TET1: variants seen among roughly 807,000 people sequenced by gnomAD.
TET1 encodes the protein tet methylcytosine dioxygenase 1, also known as methylcytosine dioxygenase TET1.
TET1 carries 13 observed loss-of-function variants against 148.7 expected under a neutral mutation model. That is an observed-to-expected ratio of 0.09 (90% CI 0.06 to 0.14). The LOEUF is 0.14. Ranked by LOEUF, TET1 falls within the 10% of genes least tolerant of loss-of-function variation. The pLI, the probability that TET1 is intolerant of heterozygous loss-of-function variation, is 1.00. For missense variants in TET1, 2,182 were observed against 2,553.8 expected, an observed-to-expected ratio of 0.85 and a Z score of 3.14; for synonymous variants, 907 against 937.2, an observed-to-expected ratio of 0.97 and a Z score of 0.59.
chr10:68,624,650 T>TC, intron 3 of TET1, among the ~76,000 whole-genome samples: 1 of 57,074 alleles, frequency 1.8e-5, no homozygotes, highest in Admixed American at 2.0e-4. Flanking sequence ...CTTTCTTTCT[T>TC]TCTTTCTTTC....
chr10:68,686,260 C>G (rs1170889134), intron 10 of TET1, 96 bp from the exon 11 acceptor site: 1 of 1,053,036 alleles, frequency 9.5e-7, no homozygotes, highest in Non-Finnish European at 1.4e-6. Flanking sequence ...GAATACAAAT[C>G]TCTTTCCCAA....
Position 68,645,770 on chromosome 10 carries a change from A to G in TET1, c.3041A>G (p.Lys1014Arg). 6.2e-7 allele frequency: 1 copy of G among 1,614,202 alleles called. No individual in the cohort carries two copies. The highest frequency in any genetic ancestry group is 8.5e-7 in the Non-Finnish European group (1 of 1,180,020). The change falls in exon 4 of 12, where the codon AAG (lysine) becomes AGG (arginine). Residue 1014 changes from lysine (K) to arginine (R), a missense_variant. Coordinates refer to ENST00000373644, the MANE Select transcript of TET1 (RefSeq NM_030625.3). ...TTTATACCAAAATCAAATTCATCCA[A>G]GATTGACACCAATAAAAGTATTGCT... ...SLFIPKSNSS[K>R]IDTNKSIAQG...
intron 2 of TET1, among the ~76,000 whole-genome samples, chr10:68,596,121 C>T (rs1356065479): frequency 6.7e-6 from 1 of 148,956 alleles, no homozygotes; most frequent in African/African-American, 2.5e-5. Context: ...TCACTACAAA[C>T]TCCGCCTCCT....
chr10:68,660,225 T>G (rs2055085454), intron 6 of TET1, among the ~76,000 whole-genome samples: 2 of 152,210 alleles, frequency 1.3e-5, no homozygotes, highest in Admixed American at 6.5e-5. Context: ...GACTTATTTT[T>G]TGCTTTAAAA....
At chr10:68,581,818 C>T (rs1246055016) in intron 2 of TET1, among the ~76,000 whole-genome samples, 1 of 148,374 alleles carries the variant, frequency 6.7e-6, no homozygotes, top group African/African-American at 2.5e-5. Flanking sequence ...GCCTGGGCGA[C>T]AGAGTGAGAC....
At position 68,560,539 on chromosome 10, in the gene TET1, G is replaced by C. The variant is rs528045829; in HGVS notation, c.-326G>C. The C allele has an allele frequency of 6.6e-6, 1 of 152,446 alleles. No homozygotes were observed. The highest frequency in any genetic ancestry group is 6.5e-5 in the Admixed American group (1 of 15,314). The allele number at this position is 152,446 out of a possible 1,614,324, so 9.4% of individuals were successfully genotyped here. On this transcript the variant is annotated 5_prime_UTR_variant, in exon 1 of 12. Transcript: ENST00000373644. ...TCTCCACTGTGGACCTTTGGGAACC[G>C]ACTCCTCACCTCGGGGGCTCGGGCC...
intron 11 of TET1, among the ~76,000 whole-genome samples, chr10:68,689,733 C>T (rs1423845964): frequency 1.3e-5 from 2 of 151,440 alleles, no homozygotes; most frequent in Non-Finnish European, 2.9e-5. Flanking sequence ...GAGCCAGGAT[C>T]GCACCACTGC....
At chr10:68,662,640 A>T (rs1347863422) in intron 6 of TET1, among the ~76,000 whole-genome samples, 1 of 152,126 alleles carries the variant, frequency 6.6e-6, no homozygotes, top group Non-Finnish European at 1.5e-5. Context: ...GGGCCCTCAC[A>T]CCTGTAATCC....
chr10:68,688,685 G>A (rs1405359733), intron 11 of TET1, among the ~76,000 whole-genome samples: 10 of 151,948 alleles, frequency 6.6e-5, no homozygotes, highest in African/African-American at 2.2e-4. Flanking sequence ...TGATCTGCCC[G>A]CCTCAGCCTC....
intron 10 of TET1, among the ~76,000 whole-genome samples, chr10:68,684,648 G>C (rs1398371418): frequency 6.6e-6 from 1 of 151,938 alleles, no homozygotes; most frequent in Non-Finnish European, 1.5e-5. Context: ...ACTCAATGAG[G>C]GTCTTATCCG....
chr10:68,586,608 C>T (rs1385591719), intron 2 of TET1, among the ~76,000 whole-genome samples: 1 of 150,650 alleles, frequency 6.6e-6, no homozygotes, highest in African/African-American at 2.4e-5. Flanking sequence ...GCTGGTATTA[C>T]AGGCATGAGG....
intron 3 of TET1, among the ~76,000 whole-genome samples, chr10:68,610,236 T>C (rs1414852800): frequency 6.6e-6 from 1 of 151,892 alleles, no homozygotes; most frequent in Non-Finnish European, 1.5e-5. Context: ...TGAGCTGATA[T>C]TGCGCCACTG....
chr10:68,630,990 AACATAATGAG>A (rs779092686), intron 3 of TET1, among the ~76,000 whole-genome samples: 1 of 151,958 alleles, frequency 6.6e-6, no homozygotes, highest in Non-Finnish European at 1.5e-5. Context: ...CAGCGTGGGC[AACATAATGAG>A]ACCTTGTCTC....
At chr10:68,565,886 T>G (rs1564944696) in intron 1 of TET1, among the ~76,000 whole-genome samples, 1 of 152,152 alleles carries the variant, frequency 6.6e-6, no homozygotes, top group African/African-American at 2.4e-5. Flanking sequence ...CCCCTGCAGT[T>G]GGGTTTTTCA....
Position 68,686,342 on chromosome 10 carries a change from T to G in TET1, c.5053-14T>G. 9.6e-6 allele frequency: 15 copies of G among 1,568,154 alleles called. No homozygotes were observed. Among genetic ancestry groups the G allele is most frequent in the Non-Finnish European group, 1.2e-5 (14 of 1,155,720 alleles). On this transcript the variant is annotated splice_polypyrimidine_tract_variant and intron_variant, in intron 10 of 11. Transcript: ENST00000373644. ...CCGTATATCTTTCCCATTTCATGTTTTTCTCCCTATCAGGTTTGTACCTTA... is the reference window on the plus strand; with the variant it reads ...CCGTATATCTTTCCCATTTCATGTTGTTCTCCCTATCAGGTTTGTACCTTA...
chr10:68,665,082 T>A (rs576419004), intron 6 of TET1, among the ~76,000 whole-genome samples: 1 of 152,150 alleles, frequency 6.6e-6, no homozygotes, highest in Non-Finnish European at 1.5e-5. Flanking sequence ...TTTTTTATCT[T>A]TTCAATTAGC....
At chr10:68,685,147 CGA>C (rs748588426) in intron 10 of TET1, among the ~76,000 whole-genome samples, 24 of 151,938 alleles carry the variant, frequency 1.6e-4, no homozygotes, top group Non-Finnish European at 2.9e-4. Flanking sequence ...CCCAGCTACT[CGA>C]GAGACTGAGG....
At chr10:68,676,157 T>TTGTGTGTGTGTGTGTG (rs112413582) in intron 8 of TET1, among the ~76,000 whole-genome samples, 56 of 129,216 alleles carry the variant, frequency 4.3e-4, no homozygotes, top group African/African-American at 1.3e-3. Context: ...ACCTGGCCTT[T>TTGTGTGTGTGTGTGTG]TGTGTGTGTG....
chr10:68,640,758 A>G (rs372756560), intron 3 of TET1, among the ~76,000 whole-genome samples: 14 of 150,774 alleles, frequency 9.3e-5, no homozygotes, highest in African/African-American at 2.0e-4. Context: ...TCACCATGTT[A>G]GCCAGGATGG....
Sources: allele counts gnomAD v4.1 joint callset (sites outside exome capture counted in the v4.1 genomes callset), GRCh38; gene constraint gnomAD v4.1.1; transcripts MANE v1.5; gene names NCBI Gene and HGNC (gene_info 2026-07-23, HGNC 2026-07-21).